The following APC variants were observed in gnomAD, a reference collection of about 807,000 sequenced individuals.
APC encodes the protein adenomatous polyposis coli protein.
In APC, 72 loss-of-function variants were observed where a neutral mutation model predicts 247.0. That is an observed-to-expected ratio of 0.29 (90% confidence interval 0.24 to 0.35). The LOEUF (loss-of-function observed/expected upper bound fraction) is 0.35. Among genes scored for constraint, APC ranks in the 10% least tolerant of loss-of-function variants. The pLI is 1.00. For missense variants in APC, 3,400 were observed against 3,360.7 expected (o/e 1.01, Z -0.29); for synonymous variants, 1,254 against 1,162.5 (o/e 1.08, Z -1.60).
chr5:112,814,069 C>T (rs1437618371), intron 8 of APC, among the ~76,000 whole-genome samples: 3 of 152,196 alleles, frequency 2.0e-5, no homozygotes, highest in Non-Finnish European at 4.4e-5. Flanking sequence ...CTTAAGACCA[C>T]CCTTGGTACT....
intron 8 of APC, among the ~76,000 whole-genome samples, chr5:112,807,856 A>AAAAG (rs1761572469): frequency 6.6e-6 from 1 of 152,150 alleles, no homozygotes; most frequent in African/African-American, 2.4e-5. Flanking sequence ...AAAAGTACTT[A>AAAAG]TTAAAAATAC....
chr5:112,708,524 T>C (rs1750664919), intron 1 of APC, among the ~76,000 whole-genome samples: 1 of 152,208 alleles, frequency 6.6e-6, no homozygotes, highest in Admixed American at 6.5e-5. Context: ...GTGAGCTTTC[T>C]AGATCTAGTG....
intron 8 of APC, among the ~76,000 whole-genome samples, chr5:112,801,957 G>A (rs1339432736): frequency 4.6e-5 from 7 of 151,692 alleles, no homozygotes; most frequent in African/African-American, 1.7e-4. Context: ...ATACAGAACT[G>A]TTATTTGTTA....
intron 1 of APC, among the ~76,000 whole-genome samples, chr5:112,740,514 G>GTTT (rs753887168): frequency 1.6e-5 from 2 of 122,190 alleles, no homozygotes; most frequent in African/African-American, 3.1e-5. Context: ...TGTTTTTTGT[G>GTTT]TTTTTTTTTC....
At chr5:112,818,207 CTACTTTTATA>C (rs1404840788) in intron 9 of APC, among the ~76,000 whole-genome samples, 1 of 152,200 alleles carries the variant, frequency 6.6e-6, no homozygotes, top group African/African-American at 2.4e-5. Context: ...ATAATAGCCT[CTACTTTTATA>C]TAATACCCTC....
intron 5 of APC, among the ~76,000 whole-genome samples, chr5:112,776,601 G>T (rs559887077): frequency 6.6e-6 from 1 of 152,300 alleles, no homozygotes; most frequent in Admixed American, 6.5e-5. Context: ...ACTTTGGGAG[G>T]CTGAGAAAGG....
In APC at chr5:112,778,675, T is replaced by C. The variant is rs910046072; in HGVS notation, c.532-2115T>C. The stretch of plus-strand genomic sequence containing the variant: ...GATTCTCCTGCCTCAGCCTCCCAAG[T>C]AGCTGGGACTACAGCATGCCACCAT... On this transcript the variant is annotated intron_variant, in intron 5 of 15. Coordinates refer to ENST00000257430, the MANE Select transcript of APC (RefSeq NM_000038.6). Among the ~76,000 whole-genome samples the C allele has an allele frequency of 6.7e-5, 7 of 105,022 alleles. 1 individual carries two copies. The highest frequency in any genetic ancestry group is 4.4e-4 in the Admixed American group (4 of 8,996). 68.9% of individuals were successfully genotyped at this position (105,022 alleles called of 152,430 possible).
At chr5:112,724,435 G>T (rs957714042) in intron 1 of APC, among the ~76,000 whole-genome samples, 1 of 152,124 alleles carries the variant, frequency 6.6e-6, no homozygotes, top group African/African-American at 2.4e-5. Context: ...GCAGCTATTT[G>T]GGTACCTACT....
chr5:112,789,401 G>A (rs1192981560), intron 6 of APC, among the ~76,000 whole-genome samples: 1 of 152,018 alleles, frequency 6.6e-6, no homozygotes, highest in African/African-American at 2.4e-5. Context: ...AAGGTGTAGT[G>A]GCTTCTTCTA....
chr5:112,798,219 A>T (rs1760413935), intron 7 of APC, among the ~76,000 whole-genome samples: 3 of 152,246 alleles, frequency 2.0e-5, no homozygotes, highest in Admixed American at 2.0e-4. Flanking sequence ...AATTTGTTAT[A>T]TCCCTTCAGT....
intron 1 of APC, among the ~76,000 whole-genome samples, chr5:112,739,963 G>A (rs182029735): frequency 1.3e-5 from 2 of 152,082 alleles, no homozygotes; most frequent in Non-Finnish European, 2.9e-5. Flanking sequence ...CTTTATCCAA[G>A]GTCAAATATT....
chr5:112,740,692 A>G (rs1752911958), intron 1 of APC, among the ~76,000 whole-genome samples: 1 of 151,402 alleles, frequency 6.6e-6, no homozygotes. Context: ...TGCACAGCTA[A>G]TTTTTATATT....
chr5:112,818,843 TTGGCGGGGGGGGTTGTTTTG>T, intron 9 of APC, 103 bp from the exon 10 acceptor site: 1 of 910,658 alleles, frequency 1.1e-6, no homozygotes. Context: ...TGTTTTTTTT[TTGGCGGGGGGGGTTGTTTTG>T]TTTTTTTAGA....
At chr5:112,741,785 C>G (rs2149694690) in intron 1 of APC, among the ~76,000 whole-genome samples, 1 of 152,196 alleles carries the variant, frequency 6.6e-6, no homozygotes, top group Admixed American at 6.5e-5. Flanking sequence ...CCATTTTCCC[C>G]TCCCCCCAAC....
intron 1 of APC, 82 bp from the exon 2 acceptor site, chr5:112,754,791 G>GT: frequency 2.2e-6 from 3 of 1,348,760 alleles, no homozygotes; most frequent in Non-Finnish European, 3.1e-6. Flanking sequence ...TAAGAGTTTT[G>GT]TTTCCTTTAC....
intron 7 of APC, among the ~76,000 whole-genome samples, chr5:112,795,368 T>C (rs1305047080): frequency 6.6e-6 from 1 of 152,196 alleles, no homozygotes. Flanking sequence ...AAAGCTGCAC[T>C]GAGTTTTGGT....
In APC at chr5:112,843,573, G is replaced by A. The variant is rs775012353; in HGVS notation, c.7979G>A (p.Arg2660Lys). 16 of 1,613,864 alleles carry A rather than the reference G, an allele frequency of 9.9e-6. No homozygotes were observed. Among genetic ancestry groups the A allele is most frequent in the Non-Finnish European group, 1.4e-5 (16 of 1,179,916 alleles). Residue 2660 changes from arginine to lysine, a missense_variant, in exon 16 of 16, where the codon AGA becomes AAA. Physicochemically the swap from Arg to Lys is conservative, Grantham distance 26. Transcript: ENST00000257430. The surrounding 1 kb of genome is among the most constrained non-coding windows in gnomAD (Gnocchi z 4.8). The part of the protein sequence containing the change: ...AVSKTEDVWV[R>K]IEDCPINNPR... ...TCTAAAACAGAGGATGTTTGGGTGA[G>A]AATTGAGGACTGTCCCATTAACAAT...
intron 1 of APC, among the ~76,000 whole-genome samples, chr5:112,709,393 C>T (rs1378176411): frequency 6.6e-6 from 1 of 152,116 alleles, no homozygotes; most frequent in African/African-American, 2.4e-5. Flanking sequence ...ATGTTTGCTT[C>T]TTGTATGGGC....
intron 6 of APC, among the ~76,000 whole-genome samples, chr5:112,785,423 A>G (rs1167436997): frequency 6.6e-6 from 1 of 152,220 alleles, no homozygotes; most frequent in East Asian, 1.9e-4. Context: ...AGTAACAGGA[A>G]ACTTTAAAGT....
Sources: allele counts gnomAD v4.1 joint callset (sites outside exome capture counted in the v4.1 genomes callset), GRCh38; gene constraint gnomAD v4.1.1; non-coding constraint Gnocchi (gnomAD v3.1); transcripts MANE v1.5; gene names NCBI Gene and HGNC (gene_info 2026-07-23, HGNC 2026-07-21).